The following AP4E1 variants were observed in gnomAD, a reference collection of about 807,000 sequenced individuals.
AP4E1 encodes the protein AP-4 complex subunit epsilon-1.
Under a neutral mutation model 128.2 loss-of-function variants are expected in AP4E1, and 56 were observed. The observed-to-expected ratio is 0.44, with a 90% CI of 0.35 to 0.55. AP4E1 has a LOEUF of 0.55. Ranked by LOEUF, AP4E1 falls within the 20% of genes least tolerant of loss-of-function variation. The pLI is 0.00. For missense variants in AP4E1, 1,324 were observed against 1,307.7 expected, an observed-to-expected ratio of 1.01 and a Z score of -0.19; for synonymous variants, 484 against 473.1, an observed-to-expected ratio of 1.02 and a Z score of -0.30.
intron 15 of AP4E1, among the ~76,000 whole-genome samples, chr15:50,973,138 A>AT (rs1450526224): frequency 6.6e-6 from 1 of 152,196 alleles, no homozygotes; most frequent in Non-Finnish European, 1.5e-5. Flanking sequence ...GAATAAATAT[A>AT]TTATCTGTTT....
rs2064959636 is a variant in AP4E1 at position 51,001,268 on chromosome 15, A to AT, written c.3253+88dup. 62 of 1,297,760 alleles carry AT rather than the reference A, an allele frequency of 4.8e-5. 2 individuals carry two copies. The South Asian group carries it at 7.6e-4, about 16-fold the overall frequency. The allele number at this position is 1,297,760 out of a possible 1,614,324, so 80.4% of individuals were successfully genotyped here. A position where few individuals can be genotyped will look rare whatever the true frequency, so the allele number is the denominator to read the frequency against. On this transcript the variant is annotated intron_variant, in intron 20 of 20. Coordinates refer to ENST00000261842, the MANE Select transcript of AP4E1 (RefSeq NM_007347.5). ...ACAAATCAACTCTTACAAGTATCAG[A>AT]TTTCTCAGAGCTTTATTTCCTATTA...
Position 50,958,498 on chromosome 15 carries a change from G to C in AP4E1, c.1555G>C (p.Gly519Arg). 1.9e-6 allele frequency: 3 copies of C among 1,610,234 alleles called. No homozygotes were observed. Among genetic ancestry groups the C allele is most frequent in the Non-Finnish European group, 2.5e-6 (3 of 1,177,676 alleles). Reference sequence around the variant, plus strand: ...CTCTTTGTTTTATTTACAGGTATTAGGGGAATATTCCTACCTCTTAGATAA... The same window carrying C: ...CTCTTTGTTTTATTTACAGGTATTACGGGAATATTCCTACCTCTTAGATAA... ...RFLQVMSWVL[G>R]EYSYLLDKET... Residue 519 changes from glycine (G) to arginine (R), a missense_variant, in exon 14 of 21, where the codon GGG (glycine) becomes CGG (arginine). By Grantham distance (125) the Gly-to-Arg change is moderately radical. Transcript: ENST00000261842.
chr15:50,997,192 C>G, intron 17 of AP4E1, 134 bp from the exon 18 acceptor site: 1 of 762,698 alleles, frequency 1.3e-6, no homozygotes, highest in Non-Finnish European at 1.9e-6. Flanking sequence ...ATCTCTGATT[C>G]TTTACTAATT....
At chr15:50,918,672 T>C (rs954056020) in intron 3 of AP4E1, among the ~76,000 whole-genome samples, 2 of 152,188 alleles carry the variant, frequency 1.3e-5, no homozygotes, top group Non-Finnish European at 2.9e-5. Context: ...CTTTCCATTG[T>C]TTTATTTTGA....
chr15:50,908,976 C>A (rs1263071744), intron 1 of AP4E1, 48 bp downstream of exon 1: 1 of 1,604,330 alleles, frequency 6.2e-7, no homozygotes, highest in East Asian at 2.2e-5. Flanking sequence ...AGTGAGGCCC[C>A]CGCGCCAGGA....
intron 17 of AP4E1, among the ~76,000 whole-genome samples, chr15:50,996,328 CTA>C (rs2064874121): frequency 6.6e-6 from 1 of 151,858 alleles, no homozygotes; most frequent in Non-Finnish European, 1.5e-5. Flanking sequence ...AGTCCCATTA[CTA>C]CTGAAAATAA....
chr15:50,931,566 A>C (rs2063836758), intron 7 of AP4E1, among the ~76,000 whole-genome samples: 1 of 152,100 alleles, frequency 6.6e-6, no homozygotes, highest in Non-Finnish European at 1.5e-5. Context: ...ACTCTGTCTC[A>C]AAAAATAATA....
chr15:50,970,531 A>G (rs1259587888), intron 15 of AP4E1, among the ~76,000 whole-genome samples: 1 of 152,158 alleles, frequency 6.6e-6, no homozygotes, highest in East Asian at 1.9e-4. Flanking sequence ...TGCTTTATAT[A>G]TTTGGATGCT....
At chr15:50,933,119 C>G (rs745686796) in intron 7 of AP4E1, among the ~76,000 whole-genome samples, 3 of 152,068 alleles carry the variant, frequency 2.0e-5, no homozygotes, top group Non-Finnish European at 2.9e-5. Context: ...TACATATATA[C>G]AAAGATGAGT....
chr15:50,964,802 C>T (rs1258754987), intron 14 of AP4E1, among the ~76,000 whole-genome samples: 1 of 152,020 alleles, frequency 6.6e-6, no homozygotes, highest in African/African-American at 2.4e-5. Context: ...GCCCAAATCT[C>T]AAGTTGAATT....
intron 16 of AP4E1, among the ~76,000 whole-genome samples, chr15:50,991,965 T>C (rs1595578812): frequency 6.9e-6 from 1 of 145,576 alleles, no homozygotes; most frequent in African/African-American, 2.6e-5. Context: ...CATAGTTCTT[T>C]TTTTTTTTTT....
intron 10 of AP4E1, among the ~76,000 whole-genome samples, chr15:50,947,763 T>C (rs1376260729): frequency 6.6e-6 from 1 of 152,222 alleles, no homozygotes; most frequent in Non-Finnish European, 1.5e-5. Context: ...TGTTCTGTCA[T>C]GTAGAGATGT....
chr15:50,920,031 T>G (rs2063677678), intron 3 of AP4E1, among the ~76,000 whole-genome samples: 1 of 148,932 alleles, frequency 6.7e-6, no homozygotes, highest in Admixed American at 6.7e-5. Context: ...AAGCTGAGAT[T>G]GTGCCACTGC....
chr15:50,909,077 G>C (rs1271662605), intron 1 of AP4E1, 149 bp downstream of exon 1: 1 of 1,327,758 alleles, frequency 7.5e-7, no homozygotes, highest in Non-Finnish European at 1.0e-6. Flanking sequence ...CCTTTCGTCT[G>C]CCTGGAAGCT....
In AP4E1 at chr15:50,999,227, A is replaced by G; in HGVS notation, c.3060A>G (p.Glu1020=). 6.2e-7 allele frequency: 1 copy of G among 1,612,414 alleles called. No homozygotes were observed. ...HMMDTHSAQL[E]FSVNLSLLDF... Reference sequence around the variant, plus strand: ...TGGATACTCATTCTGCTCAGCTGGAATTTTCTGTAAACTTATCACTATTAG... The same window carrying G: ...TGGATACTCATTCTGCTCAGCTGGAGTTTTCTGTAAACTTATCACTATTAG... The change falls in exon 19 of 21, where the codon GAA becomes GAG. Residue 1020 remains glutamate, a synonymous_variant. Transcript: ENST00000261842.
At chr15:50,921,162 A>G (rs76181975) in intron 3 of AP4E1, among the ~76,000 whole-genome samples, 4,975 of 150,804 alleles carry the variant, frequency 0.033, 125 homozygotes, top group Non-Finnish European at 0.051. Flanking sequence ...TTAAGTTATT[A>G]TTTTCTTTTT....
At position 50,929,026 on chromosome 15, in the gene AP4E1, A is replaced by G. The variant is rs575755450; in HGVS notation, c.560A>G (p.Lys187Arg). 2.0e-5 allele frequency: 33 copies of G among 1,613,732 alleles called. No homozygotes were observed. The highest frequency in any genetic ancestry group is 2.5e-5 in the Non-Finnish European group (30 of 1,179,878). The part of the protein sequence containing the change: ...LQHSKEIVRR[K>R]AVLALYKFHL... Reference sequence around the variant, plus strand: ...GTCTTCAGGGAGATTGTACGAAGAAAAGCTGTTCTGGCATTATACAAATTC... The same window carrying G: ...GTCTTCAGGGAGATTGTACGAAGAAGAGCTGTTCTGGCATTATACAAATTC... Residue 187 changes from lysine (K) to arginine (R), a missense_variant, in exon 6 of 21, where the codon AAA becomes AGA. Lys to Arg is a conservative substitution (Grantham distance 26, BLOSUM62 2). Coordinates refer to ENST00000261842, the MANE Select transcript of AP4E1 (RefSeq NM_007347.5).
In AP4E1 at chr15:50,997,368, T is replaced by C; in HGVS notation, c.2389T>C (p.Ser797Pro). ...TGTCTCTCACAAGTTCAGAAGGAAA[T>C]CAAAAGTCAAAGAAGCTAAAAGTGG... ...DTVSHKFRRK[S>P]KVKEAKSGET... Residue 797 changes from serine to proline, a missense_variant, in exon 18 of 21, where the codon TCA becomes CCA. Coordinates refer to ENST00000261842, the MANE Select transcript of AP4E1 (RefSeq NM_007347.5). The C allele has an allele frequency of 6.2e-7, 1 of 1,603,654 alleles. No individual in the cohort carries two copies. Among genetic ancestry groups the C allele is most frequent in the Non-Finnish European group, 8.5e-7 (1 of 1,177,222 alleles).
intron 17 of AP4E1, among the ~76,000 whole-genome samples, chr15:50,997,060 C>T (rs965050739): frequency 6.6e-6 from 1 of 152,138 alleles, no homozygotes; most frequent in African/African-American, 2.4e-5. Context: ...GTTTTTTGTT[C>T]ATGACTGACT....
Sources: allele counts gnomAD v4.1 joint callset (sites outside exome capture counted in the v4.1 genomes callset), GRCh38; gene constraint gnomAD v4.1.1; transcripts MANE v1.5; gene names NCBI Gene and HGNC (gene_info 2026-07-23, HGNC 2026-07-21).